CCDC191: variants seen among roughly 807,000 people sequenced by gnomAD.
CCDC191 encodes coiled-coil domain-containing protein 191.
In CCDC191, 99 loss-of-function variants were observed where a neutral mutation model predicts 114.0. That is an observed-to-expected ratio of 0.87 (90% CI 0.74 to 1.03). The LOEUF (loss-of-function observed/expected upper bound fraction) is 1.03, where lower values mean the gene tolerates loss of function less well. Among genes scored for constraint, CCDC191 ranks in the 50% least tolerant of loss-of-function variants. CCDC191 has a pLI of 0.00. For missense variants in CCDC191, 973 were observed against 1,087.0 expected, an observed-to-expected ratio of 0.90 and a Z score of 1.47; for synonymous variants, 351 against 376.0, an observed-to-expected ratio of 0.93 and a Z score of 0.77.
intron 5 of CCDC191, among the ~76,000 whole-genome samples, chr3:114,036,187 A>G (rs2076480127): frequency 6.6e-6 from 1 of 152,178 alleles, no homozygotes; most frequent in Non-Finnish European, 1.5e-5. Context: ...TCCATTTTAA[A>G]TTATAATAAA....
chr3:113,980,550 T>A, intron 14 of CCDC191, 100 bp downstream of exon 14: 1 of 1,126,184 alleles, frequency 8.9e-7, no homozygotes, highest in Non-Finnish European at 1.2e-6. Flanking sequence ...TTTCTGGCTT[T>A]AAATCACCAA....
intron 16 of CCDC191, among the ~76,000 whole-genome samples, chr3:113,975,749 A>C (rs1941280205): frequency 6.6e-6 from 1 of 152,360 alleles, no homozygotes; most frequent in African/African-American, 2.4e-5. Flanking sequence ...GCTCTGAAGC[A>C]GAAGTGAGCT....
intron 7 of CCDC191, among the ~76,000 whole-genome samples, chr3:114,025,926 T>A (rs62267074): frequency 0.093 from 14,129 of 152,176 alleles, 714 homozygotes; most frequent in East Asian, 0.13. Flanking sequence ...AGTAAGACAA[T>A]GACGTGATGT....
intron 13 of CCDC191, among the ~76,000 whole-genome samples, chr3:113,994,869 C>A (rs767210225): frequency 6.6e-6 from 1 of 151,968 alleles, no homozygotes; most frequent in Non-Finnish European, 1.5e-5. Flanking sequence ...GGTGTGAACA[C>A]CTGACTGAAC....
Position 114,042,685 on chromosome 3 carries a change from AATCAGGTAAGTTCTTACC to A in CCDC191, c.415_415+17del, listed in dbSNP as rs774223314. 4 of 1,524,388 alleles carry A rather than the reference AATCAGGTAAGTTCTTACC, an allele frequency of 2.6e-6. No individual in the cohort carries two copies. The Admixed American group carries it at 9.8e-5, about 37-fold the overall frequency. 94.4% of individuals were successfully genotyped at this position (1,524,388 alleles called of 1,614,324 possible). On this transcript the variant is annotated splice_donor_variant and splice_donor_5th_base_variant and coding_sequence_variant and intron_variant, in exon 4 of 17. Transcript: ENST00000295878. LOFTEE classifies it high-confidence loss of function. ...TTCATTAGATGTTAAAACTTAGAACAATCAGGTAAGTTCTTACCATCAAACTTGTCATATTTCAAATGG... is the reference window on the plus strand; with the variant it reads ...TTCATTAGATGTTAAAACTTAGAACAATCAAACTTGTCATATTTCAAATGG...
chr3:113,979,108 G>T, intron 14 of CCDC191, 98 bp from the exon 15 acceptor site: 1 of 1,106,454 alleles, frequency 9.0e-7, no homozygotes, highest in Non-Finnish European at 1.3e-6. Flanking sequence ...ACACATTTAG[G>T]CAGTCGGTAG....
intron 9 of CCDC191, 197 bp from the exon 10 acceptor site, chr3:114,006,159 G>A: frequency 1.5e-6 from 1 of 664,858 alleles, no homozygotes. Context: ...CATGAAAACT[G>A]GGAGAGTGGC....
intron 9 of CCDC191, among the ~76,000 whole-genome samples, chr3:114,006,602 ATATATATATATAT>A (rs1577401179): frequency 7.5e-6 from 1 of 133,502 alleles, no homozygotes; most frequent in Non-Finnish European, 1.6e-5. Context: ...ATATATATAT[ATATATATATATAT>A]ATAAATATAT....
chr3:114,003,812 C>T (rs1157388803), intron 11 of CCDC191: 42 of 985,276 alleles, frequency 4.3e-5, no homozygotes, highest in Non-Finnish European at 4.8e-5. Context: ...GCAATCTTGT[C>T]ACAGGTAAAA....
At chr3:114,034,354 A>G (rs183419009) in intron 6 of CCDC191, among the ~76,000 whole-genome samples, 3 of 152,332 alleles carry the variant, frequency 2.0e-5, no homozygotes, top group African/African-American at 7.2e-5. Flanking sequence ...TGAGAAGAGT[A>G]TGATAAACTG....
intron 15 of CCDC191, chr3:113,978,587 A>G: frequency 1.7e-6 from 1 of 581,790 alleles, no homozygotes; most frequent in Non-Finnish European, 3.0e-6. Flanking sequence ...CTGTGAGACA[A>G]GAAACAAGAA....
intron 16 of CCDC191, among the ~76,000 whole-genome samples, chr3:113,969,800 CTT>C (rs1383609044): frequency 6.6e-6 from 1 of 152,078 alleles, no homozygotes; most frequent in Non-Finnish European, 1.5e-5. Context: ...GAGCTTTGTT[CTT>C]TTTGCTTAGT....
At position 114,010,881 on chromosome 3, in the gene CCDC191, G is replaced by A. The variant is rs780244085; in HGVS notation, c.1304C>T (p.Ala435Val). ...TKEETRKKMD[A>V]LLQAASLGKL... ...CCCCAGTGATGCTGCCTGCAGCAGT[G>A]CATCCATCTTCTTCCTAGTTTCCTC... Residue 435 changes from alanine (A) to valine (V), a missense_variant, in exon 9 of 17, where the codon GCA (alanine) becomes GTA (valine). Transcript: ENST00000295878. 6.2e-6 allele frequency: 10 copies of A among 1,613,964 alleles called. No individual in the cohort carries two copies. In the African/African-American group the frequency reaches 1.3e-4, roughly 22 times the overall value.
chr3:113,980,539 C>T (rs1159201086), intron 14 of CCDC191, 111 bp downstream of exon 14: 1 of 1,005,984 alleles, frequency 9.9e-7, no homozygotes, highest in Non-Finnish European at 1.4e-6. Context: ...ATTAATTTAT[C>T]TTTCTGGCTT....
intron 16 of CCDC191, 61 bp from the exon 17 acceptor site, chr3:113,965,420 G>T: frequency 1.1e-6 from 1 of 916,858 alleles, no homozygotes; most frequent in Non-Finnish European, 1.7e-6. Flanking sequence ...TCCATCTATA[G>T]CACATTAAGA....
chr3:114,000,516 T>A (rs1577387962), intron 13 of CCDC191, among the ~76,000 whole-genome samples: 1 of 152,244 alleles, frequency 6.6e-6, no homozygotes, highest in East Asian at 1.9e-4. Flanking sequence ...TCTGTCTATA[T>A]GTCCTACTGG....
rs189170650 is a variant in CCDC191, at chr3:114,025,595, C to A, written c.972+6031G>T. Among the ~76,000 whole-genome samples the A allele has an allele frequency of 1.9e-3, 294 of 152,266 alleles. 1 individual carries two copies. Among genetic ancestry groups the A allele is most frequent in the African/African-American group, 6.9e-3 (288 of 41,554 alleles). The stretch of plus-strand genomic sequence containing the variant: ...TTCAAGAAGGAATTCCTTAGTCTCA[C>A]CAAATAGTAAATGCTTAACCAGTAA... On this transcript the variant is annotated intron_variant, in intron 7 of 16. Coordinates refer to ENST00000295878, the MANE Select transcript of CCDC191 (RefSeq NM_020817.2).
intron 16 of CCDC191, among the ~76,000 whole-genome samples, chr3:113,976,700 A>G (rs1176338237): frequency 2.6e-5 from 4 of 152,056 alleles, no homozygotes; most frequent in East Asian, 1.9e-4. Context: ...GTGAGTTACT[A>G]TAGTACCCTG....
At chr3:114,013,194 C>T (rs193013864) in intron 8 of CCDC191, among the ~76,000 whole-genome samples, 18 of 151,338 alleles carry the variant, frequency 1.2e-4, no homozygotes, top group African/African-American at 3.6e-4. Context: ...TGCAGTGAGC[C>T]GAGATTGTGC....
Sources: allele counts gnomAD v4.1 joint callset (sites outside exome capture counted in the v4.1 genomes callset), GRCh38; gene constraint gnomAD v4.1.1; transcripts MANE v1.5; gene names NCBI Gene and HGNC (gene_info 2026-07-23, HGNC 2026-07-21).